Variants in TMEM132C observed in about 807,000 individuals in gnomAD.
TMEM132C encodes the protein protein phosphatase 1, regulatory subunit 152.
Under a neutral mutation model 61.4 loss-of-function variants are expected in TMEM132C, and 29 were observed. That is an observed-to-expected ratio of 0.47 (90% CI 0.35 to 0.64). The LOEUF is 0.64. Among genes scored for constraint, TMEM132C ranks in the 30% least tolerant of loss-of-function variants. The pLI, the probability that TMEM132C is intolerant of heterozygous loss-of-function variation, is 0.00. For missense variants in TMEM132C, 1,408 were observed against 1,476.9 expected (o/e 0.95, Z 0.76); for synonymous variants, 656 against 633.1 (o/e 1.04, Z -0.54).
chr12:128,579,096 G>A (rs1337389282), intron 3 of TMEM132C, among the ~76,000 whole-genome samples: 1 of 152,184 alleles, frequency 6.6e-6, no homozygotes, highest in African/African-American at 2.4e-5. Flanking sequence ...TGCTGCCAAG[G>A]AAAACGAAGC....
intron 1 of TMEM132C, among the ~76,000 whole-genome samples, chr12:128,304,650 G>C (rs4463906): frequency 0.54 from 82,480 of 151,550 alleles, 22,934 homozygotes; most frequent in Middle Eastern, 0.64. Context: ...AAAAAAGAAA[G>C]AGCCTTTCAG....
chr12:128,528,260 G>A (rs927326834), intron 2 of TMEM132C, among the ~76,000 whole-genome samples: 3 of 152,280 alleles, frequency 2.0e-5, no homozygotes, highest in African/African-American at 4.8e-5. Context: ...GTGCCCTCAC[G>A]CATTGTGGGC....
At chr12:128,398,004 AT>A (rs368357882) in intron 1 of TMEM132C, among the ~76,000 whole-genome samples, 2,553 of 152,112 alleles carry the variant, frequency 0.017, 74 homozygotes, top group African/African-American at 0.058. Flanking sequence ...CCCTCTGTTG[AT>A]TTTTTTCCCC....
chr12:128,498,931 A>G (rs1406023341), intron 2 of TMEM132C, among the ~76,000 whole-genome samples: 1 of 152,202 alleles, frequency 6.6e-6, no homozygotes, highest in Non-Finnish European at 1.5e-5. Flanking sequence ...TAGACTTAAT[A>G]TTATCAAGAT....
At chr12:128,385,568 C>T (rs1051637362) in intron 1 of TMEM132C, among the ~76,000 whole-genome samples, 2 of 152,300 alleles carry the variant, frequency 1.3e-5, no homozygotes, top group Non-Finnish European at 2.9e-5. Context: ...GACCTGAGCC[C>T]GTGGGCTTTG....
chr12:128,458,431 C>G (rs1870420956), intron 2 of TMEM132C, among the ~76,000 whole-genome samples: 1 of 151,970 alleles, frequency 6.6e-6, no homozygotes, highest in Non-Finnish European at 1.5e-5. Context: ...TTCTTTCTTG[C>G]TCACATACCA....
At chr12:128,545,633 T>C (rs893833359) in intron 3 of TMEM132C, among the ~76,000 whole-genome samples, 3 of 152,254 alleles carry the variant, frequency 2.0e-5, no homozygotes, top group Admixed American at 2.0e-4. Flanking sequence ...ATTTTTTGAC[T>C]TTTCAATAAT....
chr12:128,625,443 A>G (rs746932421), intron 4 of TMEM132C, among the ~76,000 whole-genome samples: 4 of 152,204 alleles, frequency 2.6e-5, no homozygotes, highest in African/African-American at 7.2e-5. Context: ...GCTGATAAAG[A>G]CATACCCAAA....
At chr12:128,636,437 A>G (rs1019148895) in intron 4 of TMEM132C, among the ~76,000 whole-genome samples, 3 of 152,202 alleles carry the variant, frequency 2.0e-5, no homozygotes, top group Admixed American at 6.5e-5. Flanking sequence ...AATTTCATCA[A>G]TTTGGACATG....
At chr12:128,692,464 A>G (rs941247208) in intron 5 of TMEM132C, among the ~76,000 whole-genome samples, 1 of 152,248 alleles carries the variant, frequency 6.6e-6, no homozygotes, top group Non-Finnish European at 1.5e-5. Context: ...AAGCTTGGCT[A>G]TTCAACAGGG....
rs145315272 is a variant in TMEM132C, at chr12:128,355,836, A to T, written c.86-58896A>T. Among the ~76,000 whole-genome samples the T allele has an allele frequency of 3.0e-3, 454 of 152,116 alleles. 2 individuals are homozygous for T. Among genetic ancestry groups the T allele is most frequent in the Non-Finnish European group, 5.3e-3 (360 of 68,010 alleles). ...ATAGCTCTGCCTCCTTTGGAGCTTT[A>T]CTTAAATGCCACGTGCTTAGTGAGG... On this transcript the variant is annotated intron_variant, in intron 1 of 8. Coordinates refer to ENST00000435159, the MANE Select transcript of TMEM132C (RefSeq NM_001136103.3).
At chr12:128,414,462 A>T (rs1868683072) in intron 1 of TMEM132C, among the ~76,000 whole-genome samples, 1 of 152,190 alleles carries the variant, frequency 6.6e-6, no homozygotes, top group Non-Finnish European at 1.5e-5. Flanking sequence ...TGTTAAGTTG[A>T]ACTCTATGAA....
chr12:128,433,076 T>C (rs1869447880), intron 2 of TMEM132C, among the ~76,000 whole-genome samples: 1 of 152,158 alleles, frequency 6.6e-6, no homozygotes, highest in South Asian at 2.1e-4. Flanking sequence ...CAGTTGATCA[T>C]TAGCATTTTT....
chr12:128,626,255 T>C (rs1481000310), intron 4 of TMEM132C, among the ~76,000 whole-genome samples: 11 of 150,534 alleles, frequency 7.3e-5, no homozygotes, highest in Non-Finnish European at 1.5e-5. Context: ...GCCTCCCAAG[T>C]AGCTGGGATT....
At position 128,472,414 on chromosome 12, in the gene TMEM132C, C is replaced by T. The variant is rs527919979; in HGVS notation, c.974+56794C>T. On this transcript the variant is annotated intron_variant, in intron 2 of 8. Coordinates refer to ENST00000435159, the MANE Select transcript of TMEM132C (RefSeq NM_001136103.3). ...GATTGGGAAATATTAGGTTAGTCAA[C>T]GGGAAATAGAGTTATTTATGGCAGA... is the stretch of plus-strand genomic sequence containing the variant. 1.2e-4 allele frequency among the ~76,000 whole-genome samples: 18 copies of T among 152,192 alleles called. No individual in the cohort carries two copies. The South Asian group carries it at 2.3e-3, about 19-fold the overall frequency.
At chr12:128,502,576 TG>T (rs1170202565) in intron 2 of TMEM132C, among the ~76,000 whole-genome samples, 10 of 151,390 alleles carry the variant, frequency 6.6e-5, no homozygotes, top group African/African-American at 2.4e-4. Flanking sequence ...GCCAGCCCCC[TG>T]GGCCATCTAC....
chr12:128,686,093 T>C (rs1954673619), intron 5 of TMEM132C, among the ~76,000 whole-genome samples: 1 of 149,084 alleles, frequency 6.7e-6, no homozygotes, highest in African/African-American at 2.6e-5. Context: ...GTGTGTTGTG[T>C]GCGCATGTGT....
At chr12:128,628,597 G>T (rs1442287520) in intron 4 of TMEM132C, among the ~76,000 whole-genome samples, 1 of 152,028 alleles carries the variant, frequency 6.6e-6, no homozygotes, top group Non-Finnish European at 1.5e-5. Context: ...CCCCAGTGGG[G>T]TGTCAGCTCC....
At chr12:128,632,050 C>T (rs555642356) in intron 4 of TMEM132C, among the ~76,000 whole-genome samples, 1 of 152,184 alleles carries the variant, frequency 6.6e-6, no homozygotes, top group Non-Finnish European at 1.5e-5. Context: ...CCCGGCTTTA[C>T]AGACACCCCA....
Sources: allele counts gnomAD v4.1 joint callset (sites outside exome capture counted in the v4.1 genomes callset), GRCh38; gene constraint gnomAD v4.1.1; transcripts MANE v1.5; gene names NCBI Gene and HGNC (gene_info 2026-07-23, HGNC 2026-07-21).